Variants in SLC45A4 observed in about 807,000 individuals in gnomAD.
SLC45A4 encodes polyamine-transporter SLC45A4.
SLC45A4 carries 32 observed loss-of-function variants against 63.7 expected under a neutral mutation model. The observed-to-expected ratio is 0.50, with a 90% CI of 0.38 to 0.67. The LOEUF (loss-of-function observed/expected upper bound fraction) is 0.67, where lower values mean the gene tolerates loss of function less well. SLC45A4 is among the 30% of genes least tolerant of loss of function. The pLI, the probability that SLC45A4 is intolerant of heterozygous loss-of-function variation, is 0.00. For missense variants in SLC45A4, 1,027 were observed against 1,157.7 expected, an observed-to-expected ratio of 0.89 and a Z score of 1.64; for synonymous variants, 535 against 510.0, an observed-to-expected ratio of 1.05 and a Z score of -0.66.
At chr8:141,244,117 C>T (rs1828049854) in intron 2 of SLC45A4, among the ~76,000 whole-genome samples, 1 of 152,128 alleles carries the variant, frequency 6.6e-6, no homozygotes, top group Non-Finnish European at 1.5e-5. Context: ...GGAGACTGCG[C>T]CCCTATTCTT....
chr8:141,212,410 G>A lies in SLC45A4; in HGVS notation c.2088C>T (p.Pro696=), dbSNP rs1825893012. ...GGAAAGAGCCCACAGAGGCCACCATGGGGATGACGCGGACAGTCCCCACGG... is the reference window on the plus strand; with the variant it reads ...GGAAAGAGCCCACAGAGGCCACCATAGGGATGACGCGGACAGTCCCCACGG... ...VDAVGTVRVI[P]MVASVGSFLG... is the part of the protein sequence containing the mutation. Residue 696 remains proline, a synonymous_variant, in exon 8 of 9, where the codon CCC becomes CCT. Transcript: ENST00000517878. 2.5e-6 allele frequency: 4 copies of A among 1,613,686 alleles called. No homozygotes were observed. The highest frequency in any genetic ancestry group is 3.4e-6 in the Non-Finnish European group (4 of 1,180,052).
intron 2 of SLC45A4, among the ~76,000 whole-genome samples, chr8:141,251,838 G>A (rs771759866): frequency 6.6e-6 from 1 of 151,436 alleles, no homozygotes; most frequent in African/African-American, 2.4e-5. Flanking sequence ...TATCTCCTGT[G>A]ATTTTGGTAA....
chr8:141,293,482 G>A (rs896978957), intron 1 of SLC45A4, among the ~76,000 whole-genome samples: 1 of 151,962 alleles, frequency 6.6e-6, no homozygotes. Flanking sequence ...TAAAATGCAC[G>A]GCAATGGCAC....
At chr8:141,248,708 G>C (rs1442289551) in intron 2 of SLC45A4, among the ~76,000 whole-genome samples, 1 of 152,054 alleles carries the variant, frequency 6.6e-6, no homozygotes, top group Admixed American at 6.6e-5. Context: ...TCAATAAAGT[G>C]TAAGAATATA....
chr8:141,241,085 C>T (rs549598842), intron 2 of SLC45A4, among the ~76,000 whole-genome samples: 1 of 152,374 alleles, frequency 6.6e-6, no homozygotes, highest in African/African-American at 2.4e-5. Context: ...CTTTATGGGA[C>T]TCAGCCTGGG....
chr8:141,287,563 C>T (rs1830194207), intron 1 of SLC45A4, among the ~76,000 whole-genome samples: 1 of 152,222 alleles, frequency 6.6e-6, no homozygotes, highest in Non-Finnish European at 1.5e-5. Flanking sequence ...CAATTACAGA[C>T]AGTTGAGTAC....
Position 141,254,293 on chromosome 8 carries a change from C to T in SLC45A4, c.-64G>A. On this transcript the variant is annotated 5_prime_UTR_variant, in exon 2 of 9. Transcript: ENST00000517878. This position sits in a 1 kb window ranked among gnomAD's most constrained non-coding sequence, Gnocchi z 4.5. ...CTATATAAATAATGCTTTCATATAT[C>T]TGTAATGATAAATTAAGACGTCTTC... 5 of 1,413,246 alleles carry T rather than the reference C, an allele frequency of 3.5e-6. No individual in the cohort carries two copies. The highest frequency in any genetic ancestry group is 5.4e-5 in the Admixed American group (2 of 36,950). The allele number at this position is 1,413,246 out of a possible 1,614,324, so 87.5% of individuals were successfully genotyped here.
intron 2 of SLC45A4, among the ~76,000 whole-genome samples, chr8:141,228,923 C>T (rs1330046497): frequency 6.6e-6 from 1 of 152,126 alleles, no homozygotes; most frequent in Non-Finnish European, 1.5e-5. Context: ...ACCCACCACT[C>T]ATGCTGTCAG....
intron 1 of SLC45A4, among the ~76,000 whole-genome samples, chr8:141,274,652 A>G (rs1324871106): frequency 6.6e-6 from 1 of 152,028 alleles, no homozygotes; most frequent in Non-Finnish European, 1.5e-5. Context: ...CAAAACCACC[A>G]TGGGACCCTC....
At position 141,215,837 on chromosome 8, in the gene SLC45A4, G is replaced by A. The variant is rs764178613; in HGVS notation, c.1863C>T (p.Ile621=). The change falls in exon 7 of 9, where the codon ATC becomes ATT. Residue 621 remains isoleucine, a synonymous_variant. Coordinates refer to ENST00000517878, the MANE Select transcript of SLC45A4 (RefSeq NM_001286646.2). The surrounding 1 kb of genome is among the most constrained non-coding windows in gnomAD (Gnocchi z 4.3). ...TCATGGAGACGATGCCCATGGTGCTGATGGTGACCATGGCGACGTAGACGT... is the reference window on the plus strand; with the variant it reads ...TCATGGAGACGATGCCCATGGTGCTAATGGTGACCATGGCGACGTAGACGT... ...FPNVYVAMVT[I]STMGIVSMSI... The A allele has an allele frequency of 2.5e-6, 4 of 1,614,038 alleles. No individual in the cohort carries two copies. The highest frequency in any genetic ancestry group is 3.4e-6 in the Non-Finnish European group (4 of 1,180,028).
chr8:141,223,461 G>C (rs1174302087), intron 2 of SLC45A4, among the ~76,000 whole-genome samples: 1 of 152,220 alleles, frequency 6.6e-6, no homozygotes, highest in Admixed American at 6.5e-5. Context: ...CAAAACCTCA[G>C]AAAGAATGGG....
intron 1 of SLC45A4, among the ~76,000 whole-genome samples, chr8:141,261,436 CCT>C (rs1394027962): frequency 6.6e-6 from 1 of 151,974 alleles, no homozygotes; most frequent in African/African-American, 2.4e-5. Context: ...TCAAATTGTC[CCT>C]GTTTGCAGAT....
chr8:141,294,932 A>G (rs907423785), intron 1 of SLC45A4, among the ~76,000 whole-genome samples: 12 of 152,204 alleles, frequency 7.9e-5, no homozygotes, highest in Non-Finnish European at 1.6e-4. Flanking sequence ...GAAGGTGAGG[A>G]AAGTGAGTCA....
intron 1 of SLC45A4, among the ~76,000 whole-genome samples, chr8:141,283,809 G>A (rs1162653423): frequency 4.6e-5 from 7 of 152,196 alleles, no homozygotes; most frequent in Admixed American, 1.3e-4. Context: ...TACTGCAGCA[G>A]GGCCCATGAT....
intron 2 of SLC45A4, among the ~76,000 whole-genome samples, chr8:141,223,630 G>C (rs913981014): frequency 2.0e-5 from 3 of 152,198 alleles, no homozygotes; most frequent in African/African-American, 7.2e-5. Context: ...GCAGCGCGCT[G>C]GTTCTCACCT....
At position 141,278,099 on chromosome 8, in the gene SLC45A4, C is replaced by G. The variant is rs531902811; in HGVS notation, c.-400-23470G>C. On this transcript the variant is annotated intron_variant, in intron 1 of 8. Transcript: ENST00000517878. The surrounding 1 kb of genome is among the most constrained non-coding windows in gnomAD (Gnocchi z 4.1). Reference sequence around the variant, plus strand: ...GACTTATAAGTCACTGTTTTAAATACAGCACACTTCTCATCTGCGAATAGT... The same window carrying G: ...GACTTATAAGTCACTGTTTTAAATAGAGCACACTTCTCATCTGCGAATAGT... 6.6e-6 allele frequency: 1 copy of G among 152,420 alleles called. No individual in the cohort carries two copies. The highest frequency in any genetic ancestry group is 1.9e-4 in the East Asian group (1 of 5,186). 9.4% of individuals were successfully genotyped at this position (152,420 alleles called of 1,614,324 possible).
In SLC45A4 at chr8:141,263,970, C is replaced by T. The variant is rs561204055; in HGVS notation, c.-400-9341G>A. On this transcript the variant is annotated intron_variant, in intron 1 of 8. Coordinates refer to ENST00000517878, the MANE Select transcript of SLC45A4 (RefSeq NM_001286646.2). ...AGCACTGGCCACTCTGAAAGGAAAGCTGGTGGCCTCCGGGTTGGTGCCAGA... is the reference window on the plus strand; with the variant it reads ...AGCACTGGCCACTCTGAAAGGAAAGTTGGTGGCCTCCGGGTTGGTGCCAGA... Among the ~76,000 whole-genome samples the T allele has an allele frequency of 9.9e-5, 15 of 152,254 alleles. No individual in the cohort carries two copies. The South Asian group carries it at 3.1e-3, about 32-fold the overall frequency.
chr8:141,258,060 CTTTTTTTT>C (rs3072057), intron 1 of SLC45A4, among the ~76,000 whole-genome samples: 2,232 of 123,292 alleles, frequency 0.018, 32 homozygotes, highest in Non-Finnish European at 0.026. Context: ...TTTCTTCTTC[CTTTTTTTT>C]TTTTTTTTTT....
At chr8:141,293,868 G>C (rs1830443411) in intron 1 of SLC45A4, among the ~76,000 whole-genome samples, 1 of 151,906 alleles carries the variant, frequency 6.6e-6, no homozygotes, top group African/African-American at 2.4e-5. Context: ...TGGAGGTGGA[G>C]GTTGCAGTGA....
Sources: allele counts gnomAD v4.1 joint callset (sites outside exome capture counted in the v4.1 genomes callset), GRCh38; gene constraint gnomAD v4.1.1; non-coding constraint Gnocchi (gnomAD v3.1); transcripts MANE v1.5; gene names NCBI Gene and HGNC (gene_info 2026-07-23, HGNC 2026-07-21).